The following HDAC9 variants were observed in gnomAD, a reference collection of about 807,000 sequenced individuals.
HDAC9 encodes the protein MEF-2 interacting transcription repressor (MITR) protein.
A neutral mutation model predicts 139.4 loss-of-function variants in HDAC9; 41 were observed. That is an observed-to-expected ratio of 0.29 (90% CI 0.23 to 0.38). HDAC9 has a LOEUF of 0.38. Among genes scored for constraint, HDAC9 ranks in the 10% least tolerant of loss-of-function variants. The pLI is 1.00. For missense variants in HDAC9, 1,147 were observed against 1,297.0 expected (o/e 0.88, Z 1.78); for synonymous variants, 517 against 476.2 (o/e 1.09, Z -1.12).
chr7:18,104,733 A>C (rs896270253), intron 1 of HDAC9, among the ~76,000 whole-genome samples: 3 of 150,406 alleles, frequency 2.0e-5, no homozygotes, highest in Non-Finnish European at 3.0e-5. Flanking sequence ...TATTTAATTC[A>C]CTCCCTCAGT....
intron 12 of HDAC9, among the ~76,000 whole-genome samples, chr7:18,715,032 C>A (rs1427268306): frequency 6.6e-6 from 1 of 152,078 alleles, no homozygotes; most frequent in Non-Finnish European, 1.5e-5. Context: ...ACATTCTTTT[C>A]AAAAACCAAA....
chr7:18,387,364 T>TA (rs1053503429), intron 1 of HDAC9, among the ~76,000 whole-genome samples: 1 of 152,210 alleles, frequency 6.6e-6, no homozygotes, highest in African/African-American at 2.4e-5. Flanking sequence ...CCTGCCCATT[T>TA]AAAAAAAGTC....
At chr7:18,994,673 A>G (rs1203931754) in intron 25 of HDAC9, among the ~76,000 whole-genome samples, 1 of 152,158 alleles carries the variant, frequency 6.6e-6, no homozygotes, top group Non-Finnish European at 1.5e-5. Flanking sequence ...TCTTTCTTTT[A>G]ATGTTTTAGA....
intron 16 of HDAC9, among the ~76,000 whole-genome samples, chr7:18,768,838 G>T (rs549367626): frequency 3.3e-5 from 5 of 152,214 alleles, no homozygotes; most frequent in South Asian, 2.1e-4. Context: ...TATACATTCA[G>T]TAGAAACCAT....
chr7:18,952,636 TAA>T (rs1272821625), intron 23 of HDAC9, among the ~76,000 whole-genome samples: 1 of 152,006 alleles, frequency 6.6e-6, no homozygotes, highest in Non-Finnish European at 1.5e-5. Flanking sequence ...GTCTAATGCA[TAA>T]GAGTTTTCCA....
intron 1 of HDAC9, among the ~76,000 whole-genome samples, chr7:18,414,934 T>C (rs1788910442): frequency 1.3e-5 from 2 of 152,234 alleles, no homozygotes; most frequent in Non-Finnish European, 2.9e-5. Context: ...GTCCTCATTC[T>C]CTGCTTTCCG....
At chr7:18,990,859 C>A (rs1297497672) in intron 25 of HDAC9, among the ~76,000 whole-genome samples, 1 of 152,240 alleles carries the variant, frequency 6.6e-6, no homozygotes, top group Admixed American at 6.5e-5. Flanking sequence ...ACTCCCTGGC[C>A]CCTTGTGCTT....
At chr7:18,471,783 G>A (rs537313477) in intron 1 of HDAC9, among the ~76,000 whole-genome samples, 1 of 152,224 alleles carries the variant, frequency 6.6e-6, no homozygotes, top group African/African-American at 2.4e-5. Context: ...TGGGTCAGGG[G>A]GACCATTATG....
At chr7:18,772,809 C>A (rs1270966669) in intron 16 of HDAC9, among the ~76,000 whole-genome samples, 2 of 152,054 alleles carry the variant, frequency 1.3e-5, no homozygotes, top group Admixed American at 1.3e-4. Context: ...AATTTAGTTT[C>A]ATGCTGCAAA....
chr7:18,791,066 G>A (rs762608874), intron 16 of HDAC9, among the ~76,000 whole-genome samples: 1 of 152,170 alleles, frequency 6.6e-6, no homozygotes, highest in Non-Finnish European at 1.5e-5. Flanking sequence ...TCACGCAAAC[G>A]TATTTGTGGC....
chr7:18,256,304 T>TATA (rs1290956177), intron 2 of HDAC9, among the ~76,000 whole-genome samples: 1 of 152,076 alleles, frequency 6.6e-6, no homozygotes, highest in African/African-American at 2.4e-5. Flanking sequence ...ACCATGATGT[T>TATA]ATAATAATAA....
chr7:18,635,383 T>C (rs997703787), intron 8 of HDAC9, among the ~76,000 whole-genome samples: 6 of 151,990 alleles, frequency 3.9e-5, no homozygotes, highest in Non-Finnish European at 5.9e-5. Flanking sequence ...AGTAGGGATA[T>C]AAACATGGAC....
intron 1 of HDAC9, among the ~76,000 whole-genome samples, chr7:18,388,402 T>A (rs560807051): frequency 2.0e-5 from 3 of 152,262 alleles, no homozygotes; most frequent in African/African-American, 7.2e-5. Context: ...AGCCCCAATA[T>A]TGTTTTGTGC....
At chr7:18,875,692 G>C (rs1433645458) in intron 22 of HDAC9, among the ~76,000 whole-genome samples, 1 of 152,122 alleles carries the variant, frequency 6.6e-6, no homozygotes, top group Non-Finnish European at 1.5e-5. Flanking sequence ...CATGATTTTG[G>C]TAAAATTGAA....
rs191406909 is a variant in HDAC9, at chr7:18,585,180, A to T, written c.23-101A>T. The T allele has an allele frequency of 7.6e-6, 10 of 1,322,556 alleles. No individual in the cohort carries two copies. The Admixed American group carries it at 1.5e-4, about 19-fold the overall frequency. The allele number at this position is 1,322,556 out of a possible 1,614,324, so 81.9% of individuals were successfully genotyped here. The stretch of plus-strand genomic sequence containing the variant: ...GAGTCATTGGCATAAAATTTGTTGT[A>T]CAGGGTCTTATACTTTTTATTTGTT... On this transcript the variant is annotated intron_variant, in intron 2 of 25. Transcript: ENST00000686413.
chr7:18,296,039 A>G (rs1409068659), intron 1 of HDAC9, among the ~76,000 whole-genome samples: 2 of 152,024 alleles, frequency 1.3e-5, no homozygotes, highest in African/African-American at 2.4e-5. Context: ...CCTTTTTTTC[A>G]TGGTCTACCA....
rs970498212 is a variant in HDAC9 at position 18,975,317 on chromosome 7, A to G, written c.3023-489A>G. 6.5e-4 allele frequency among the ~76,000 whole-genome samples: 99 copies of G among 152,252 alleles called. 1 individual carries two copies. The highest frequency in any genetic ancestry group is 1.9e-4 in the Non-Finnish European group (13 of 68,038). On this transcript the variant is annotated intron_variant, in intron 24 of 25. Coordinates refer to ENST00000686413, the MANE Select transcript of HDAC9 (RefSeq NM_178425.4). ...ACTAACAAACCTGATTGTTCTGGCA[A>G]AGTTGCCATTCAATTCATGCTGGCA...
intron 1 of HDAC9, among the ~76,000 whole-genome samples, chr7:18,407,384 C>G (rs1426257501): frequency 6.6e-6 from 1 of 152,146 alleles, no homozygotes; most frequent in Non-Finnish European, 1.5e-5. Context: ...AAAATCTTGT[C>G]TCCTTATGTA....
intron 2 of HDAC9, among the ~76,000 whole-genome samples, chr7:18,543,856 A>G (rs1464854098): frequency 6.6e-6 from 1 of 151,814 alleles, no homozygotes; most frequent in Non-Finnish European, 1.5e-5. Flanking sequence ...AGCATATTTA[A>G]AAGTCCTGGA....
Sources: gnomAD v4.1 joint callset for allele counts (sites outside exome capture counted in the v4.1 genomes callset) on GRCh38, gnomAD v4.1.1 for gene constraint, MANE v1.5 for transcripts, NCBI Gene and HGNC (gene_info 2026-07-23, HGNC 2026-07-21) for gene names.